Variants in COL24A1 observed in about 807,000 individuals in gnomAD.
The protein encoded by COL24A1 is collagen alpha-1(XXIV) chain.
A neutral mutation model predicts 253.9 loss-of-function variants in COL24A1; 224 were observed. That is an observed-to-expected ratio of 0.88 (90% CI 0.79 to 0.99). The LOEUF is 0.99. Among genes scored for constraint, COL24A1 ranks in the 50% least tolerant of loss-of-function variants. The pLI is 0.00. For missense variants in COL24A1, 2,131 were observed against 2,068.5 expected (o/e 1.03, Z -0.59); for synonymous variants, 685 against 673.7 (o/e 1.02, Z -0.26).
intron 19 of COL24A1, among the ~76,000 whole-genome samples, chr1:85,995,313 T>C (rs920446243): frequency 6.6e-6 from 1 of 152,214 alleles, no homozygotes; most frequent in East Asian, 1.9e-4. Flanking sequence ...CTTGAACTTC[T>C]GGCCTCAAGT....
At chr1:86,088,145 G>A (rs1274826672) in intron 7 of COL24A1, among the ~76,000 whole-genome samples, 3 of 152,108 alleles carry the variant, frequency 2.0e-5, no homozygotes, top group African/African-American at 4.8e-5. Flanking sequence ...CCTATGAAGT[G>A]GATAGTATTA....
chr1:85,943,668 C>A (rs1688965105), intron 24 of COL24A1, among the ~76,000 whole-genome samples: 1 of 152,216 alleles, frequency 6.6e-6, no homozygotes, highest in African/African-American at 2.4e-5. Flanking sequence ...TTCGAATAGA[C>A]AACATATGTT....
intron 53 of COL24A1, among the ~76,000 whole-genome samples, chr1:85,762,892 A>T (rs1255937640): frequency 6.6e-6 from 1 of 152,196 alleles, no homozygotes; most frequent in Non-Finnish European, 1.5e-5. Context: ...TGATTTTATA[A>T]AGTTCACTTC....
rs1289757854 is a variant in COL24A1 at position 85,895,901 on chromosome 1, C to A, written c.2879G>T (p.Gly960Val). Residue 960 changes from glycine to valine, a missense_variant and splice_region_variant, in exon 31 of 60, where the codon GGT becomes GTT. Physicochemically the swap from Gly to Val is moderately radical, Grantham distance 109. Transcript: ENST00000370571. Reference protein sequence around the residue: ...QGKRGPHGLIGKTGNPGERGF... With the variant: ...QGKRGPHGLIVKTGNPGERGF... ...TCTTTCTCCAGGGTTTCCAGTCTTA[C>A]CCTACATGAGAAAGAAAATTCTTGA... is the stretch of plus-strand genomic sequence containing the variant. 3 of 1,609,272 alleles carry A rather than the reference C, an allele frequency of 1.9e-6. No individual in the cohort carries two copies. Among genetic ancestry groups the A allele is most frequent in the Non-Finnish European group, 2.5e-6 (3 of 1,178,790 alleles).
chr1:85,856,870 G>A (rs1307781341), intron 37 of COL24A1, among the ~76,000 whole-genome samples: 1 of 152,084 alleles, frequency 6.6e-6, no homozygotes, highest in Non-Finnish European at 1.5e-5. Context: ...CATGAGTTGA[G>A]TCTGGAGCAC....
At chr1:85,880,388 T>A (rs1237639134) in intron 32 of COL24A1, among the ~76,000 whole-genome samples, 1 of 152,254 alleles carries the variant, frequency 6.6e-6, no homozygotes, top group Non-Finnish European at 1.5e-5. Context: ...AATCTCATTA[T>A]AACTGCTTAT....
chr1:85,900,174 TC>T (rs1484808559), intron 28 of COL24A1, among the ~76,000 whole-genome samples: 6 of 152,160 alleles, frequency 3.9e-5, no homozygotes, highest in Non-Finnish European at 8.8e-5. Flanking sequence ...CTTTTACTAC[TC>T]AAAGCAATCT....
At chr1:86,122,693 T>A (rs1344352117) in intron 3 of COL24A1, among the ~76,000 whole-genome samples, 1 of 152,044 alleles carries the variant, frequency 6.6e-6, no homozygotes, top group East Asian at 1.9e-4. Flanking sequence ...CTAGGTCCCA[T>A]TAATTTCCTA....
chr1:85,805,738 G>A (rs1051938207), intron 47 of COL24A1, among the ~76,000 whole-genome samples: 1 of 152,172 alleles, frequency 6.6e-6, no homozygotes, highest in Non-Finnish European at 1.5e-5. Context: ...TCTAAGCATT[G>A]TATGAATTTT....
At chr1:85,847,913 A>G in intron 38 of COL24A1, 141 bp from the exon 39 acceptor site, 1 of 468,704 alleles carries the variant, frequency 2.1e-6, no homozygotes, top group Non-Finnish European at 3.8e-6. Flanking sequence ...ATAACATACC[A>G]TCACTATATA....
intron 55 of COL24A1, among the ~76,000 whole-genome samples, chr1:85,754,751 A>G (rs1190516085): frequency 6.6e-6 from 1 of 152,080 alleles, no homozygotes; most frequent in Non-Finnish European, 1.5e-5. Flanking sequence ...GTTAACTTGA[A>G]GACAGGTTTA....
chr1:85,911,927 G>A (rs1685411778), intron 24 of COL24A1, among the ~76,000 whole-genome samples: 1 of 152,000 alleles, frequency 6.6e-6, no homozygotes, highest in South Asian at 2.1e-4. Flanking sequence ...TCATTACTGA[G>A]GAAGACAAAT....
At chr1:85,976,940 T>C (rs879459377) in intron 20 of COL24A1, among the ~76,000 whole-genome samples, 1 of 152,160 alleles carries the variant, frequency 6.6e-6, no homozygotes, top group Non-Finnish European at 1.5e-5. Context: ...GTGAAACGTA[T>C]CTACAACCAA....
At position 85,775,722 on chromosome 1, in the gene COL24A1, A is replaced by T. The variant is rs1350657108; in HGVS notation, c.4339-13T>A. ...CACCTCTGGGTCCCTAAAAGAAAAAAAAAAGATGTTAGTTCATTGTTATTG... is the reference window on the plus strand; with the variant it reads ...CACCTCTGGGTCCCTAAAAGAAAAATAAAAGATGTTAGTTCATTGTTATTG... On this transcript the variant is annotated splice_polypyrimidine_tract_variant and intron_variant, in intron 52 of 59. Transcript: ENST00000370571. 3.1e-6 allele frequency: 5 copies of T among 1,600,630 alleles called. No homozygotes were observed. The highest frequency in any genetic ancestry group is 2.7e-5 in the African/African-American group (2 of 73,916).
At chr1:86,111,784 G>GGGAGGAATGAACAACTCCGGATA (rs1705641524) in intron 5 of COL24A1, among the ~76,000 whole-genome samples, 1 of 151,968 alleles carries the variant, frequency 6.6e-6, no homozygotes, top group Non-Finnish European at 1.5e-5. Context: ...CGAACCCACC[G>GGGAGGAATGAACAACTCCGGATA]GGAGGAATGA....
chr1:85,772,119 G>C (rs1272749216), intron 53 of COL24A1, among the ~76,000 whole-genome samples: 1 of 150,090 alleles, frequency 6.7e-6, no homozygotes, highest in Admixed American at 6.7e-5. Context: ...TCCCTACAAA[G>C]GACATGAACT....
chr1:85,762,593 T>A (rs1255109934), intron 53 of COL24A1, among the ~76,000 whole-genome samples: 1 of 152,196 alleles, frequency 6.6e-6, no homozygotes, highest in East Asian at 1.9e-4. Context: ...TCCATTCATT[T>A]AATTATCAAC....
chr1:86,120,990 T>C lies in COL24A1; in HGVS notation c.1491+3855A>G, dbSNP rs555555830. ...AAAAAGGATGAGTTCATGTCCTTTG[T>C]AGGGACATGGATGAAGCTGGAACCA... On this transcript the variant is annotated intron_variant, in intron 3 of 59. Transcript: ENST00000370571. Among the ~76,000 whole-genome samples the C allele has an allele frequency of 1.7e-3, 262 of 152,278 alleles. 1 individual carries two copies. Among genetic ancestry groups the C allele is most frequent in the Admixed American group, 3.5e-3 (53 of 15,298 alleles).
chr1:86,148,361 T>A (rs542025887), intron 1 of COL24A1, among the ~76,000 whole-genome samples: 2 of 152,114 alleles, frequency 1.3e-5, no homozygotes, highest in Admixed American at 6.5e-5. Context: ...ATTTTTTTTT[T>A]ATTATACTTT....
Sources: gnomAD v4.1 joint callset for allele counts (sites outside exome capture counted in the v4.1 genomes callset) on GRCh38, gnomAD v4.1.1 for gene constraint, MANE v1.5 for transcripts, NCBI Gene and HGNC (gene_info 2026-07-23, HGNC 2026-07-21) for gene names.